The following CLCN6 variants were observed in gnomAD, a reference collection of about 807,000 sequenced individuals.
CLCN6 encodes Cl-/H+ antiporter 6.
In CLCN6, 70 loss-of-function variants were observed where a neutral mutation model predicts 109.8. That is an observed-to-expected ratio of 0.64 (90% CI 0.53 to 0.78). The LOEUF (loss-of-function observed/expected upper bound fraction) is 0.78, where lower values mean the gene tolerates loss of function less well. CLCN6 is among the 30% of genes least tolerant of loss of function. The pLI is 0.00. For synonymous variants in CLCN6, 444 were observed against 447.8 expected, an observed-to-expected ratio of 0.99 and a Z score of 0.11; for missense variants, 984 against 1,142.3, an observed-to-expected ratio of 0.86 and a Z score of 2.00.
chr1:11,834,028 A>G lies in CLCN6; in HGVS notation c.1524A>G (p.Lys508=), dbSNP rs1331532127. The change falls in exon 15 of 23, where the codon AAA becomes AAG. Residue 508 remains lysine (K), a splice_region_variant and synonymous_variant. Coordinates refer to ENST00000346436, the MANE Select transcript of CLCN6 (RefSeq NM_001286.5). The surrounding 1 kb of genome is among the most constrained non-coding windows in gnomAD (Gnocchi z 4.5). ...GACGTTTAGTTGCCAATGTCCTAAA[A>G]AGGTACTCTGTGTGTGTGCGTGTGT... The part of the protein sequence containing the change: ...AFGRLVANVL[K]SYIGLGHIYS... 1.2e-6 allele frequency: 2 copies of G among 1,614,022 alleles called. No individual in the cohort carries two copies. The highest frequency in any genetic ancestry group is 2.2e-5 in the South Asian group (2 of 91,072).
intron 18 of CLCN6, 51 bp from the exon 19 acceptor site, chr1:11,836,948 T>C: frequency 6.3e-7 from 1 of 1,596,258 alleles, no homozygotes. Flanking sequence ...CCATCAGTAC[T>C]GCTGTGTTCG....
chr1:11,826,115 A>G (rs1644808326), intron 8 of CLCN6, 41 bp from the exon 9 acceptor site: 3 of 1,458,234 alleles, frequency 2.1e-6, no homozygotes, highest in African/African-American at 1.4e-5. Context: ...ATTTGGTTAT[A>G]TGAGTAGGCT....
intron 6 of CLCN6, among the ~76,000 whole-genome samples, chr1:11,823,069 C>T (rs577884079): frequency 3.4e-4 from 52 of 152,296 alleles, no homozygotes; most frequent in African/African-American, 9.9e-4. Context: ...GGGTGCCATG[C>T]GCACTACCTG....
At chr1:11,813,683 G>A (rs1468620112) in intron 2 of CLCN6, among the ~76,000 whole-genome samples, 2 of 152,074 alleles carry the variant, frequency 1.3e-5, no homozygotes, top group African/African-American at 4.8e-5. Flanking sequence ...GAGCCATCAC[G>A]CCCAGCCGAT....
At chr1:11,835,278 G>A (rs944228262) in intron 17 of CLCN6, among the ~76,000 whole-genome samples, 9 of 152,032 alleles carry the variant, frequency 5.9e-5, no homozygotes, top group African/African-American at 2.2e-4. Flanking sequence ...TATTATTATT[G>A]TTTTTCTTTT....
chr1:11,821,414 G>T (rs938400622), intron 5 of CLCN6, among the ~76,000 whole-genome samples: 1 of 152,182 alleles, frequency 6.6e-6, no homozygotes, highest in African/African-American at 2.4e-5. Flanking sequence ...AAATTGAGCT[G>T]AGTGTGGTGG....
chr1:11,841,991 T>C lies in CLCN6; in HGVS notation c.*1768T>C, dbSNP rs1645029526. 1 of 152,242 alleles carries C rather than the reference T, an allele frequency of 6.6e-6. No individual in the cohort carries two copies. The highest frequency in any genetic ancestry group is 1.5e-5 in the Non-Finnish European group (1 of 68,040). The allele number at this position is 152,242 out of a possible 1,614,324, so 9.4% of individuals were successfully genotyped here. A position where few individuals can be genotyped will look rare whatever the true frequency, so the allele number is the denominator to read the frequency against. On this transcript the variant is annotated 3_prime_UTR_variant, in exon 23 of 23. Coordinates refer to ENST00000346436, the MANE Select transcript of CLCN6 (RefSeq NM_001286.5). ...AAGGCAATTCTTATTTAAATGTTAC[T>C]ATTTGGCCAGCTGCTGCTGTGTTTT... is the stretch of plus-strand genomic sequence containing the variant.
intron 6 of CLCN6, 124 bp from the exon 7 acceptor site, chr1:11,823,583 C>G: frequency 7.7e-7 from 1 of 1,301,916 alleles, no homozygotes; most frequent in Non-Finnish European, 1.1e-6. Flanking sequence ...GCAAGCCCTC[C>G]AGGTGACGCT....
chr1:11,828,357 G>A (rs937326132), intron 11 of CLCN6, 101 bp from the exon 12 acceptor site: 18 of 1,512,776 alleles, frequency 1.2e-5, no homozygotes, highest in African/African-American at 9.6e-5. Flanking sequence ...TCTGCCGTGC[G>A]GGAAAGCAGC....
chr1:11,828,419 T>C lies in CLCN6; in HGVS notation c.955-39T>C, dbSNP rs748466916. The C allele has an allele frequency of 4.3e-6, 7 of 1,611,120 alleles. No homozygotes were observed. In the East Asian group the frequency reaches 1.3e-4, roughly 31 times the overall value. On this transcript the variant is annotated intron_variant, in intron 11 of 22. Transcript: ENST00000346436. ...TGTCTCTTCCGGTTCTCATGGCTGC[T>C]ATGGTTTTTCTCTCCCTCTCCCTTT...
intron 18 of CLCN6, 67 bp from the exon 19 acceptor site, chr1:11,836,932 T>A (rs1644957331): frequency 3.8e-6 from 6 of 1,574,614 alleles, no homozygotes; most frequent in Non-Finnish European, 5.2e-6. Flanking sequence ...CCCAAATCCT[T>A]AAGCTCCATC....
chr1:11,806,253 A>T lies in CLCN6; in HGVS notation c.-10A>T. 2 of 1,456,874 alleles carry T rather than the reference A, an allele frequency of 1.4e-6. No individual in the cohort carries two copies. The highest frequency in any genetic ancestry group is 1.8e-6 in the Non-Finnish European group (2 of 1,107,120). 90.2% of individuals were successfully genotyped at this position (1,456,874 alleles called of 1,614,324 possible). A position where few individuals can be genotyped will look rare whatever the true frequency, so the allele number is the denominator to read the frequency against. On this transcript the variant is annotated 5_prime_UTR_variant, in exon 1 of 23. Transcript: ENST00000346436. ...GGTAGAGGGGTCCAGAGTGGCAGTA[A>T]AGGAGGAAGATGGCGGGGTGCAGGG... is the stretch of plus-strand genomic sequence containing the variant.
At chr1:11,835,624 G>A (rs1053462069) in intron 17 of CLCN6, among the ~76,000 whole-genome samples, 4 of 152,290 alleles carry the variant, frequency 2.6e-5, no homozygotes, top group Non-Finnish European at 4.4e-5. Flanking sequence ...TAGCAGTTCA[G>A]GGGTAGTATG....
chr1:11,807,102 A>T, intron 1 of CLCN6, 29 bp from the exon 2 acceptor site: 1 of 1,607,790 alleles, frequency 6.2e-7, no homozygotes, highest in Non-Finnish European at 8.5e-7. Flanking sequence ...CCACTAAAAA[A>T]GGCTCCCTCT....
At position 11,833,480 on chromosome 1, in the gene CLCN6, G is replaced by A. The variant is rs748779148; in HGVS notation, c.1249-35G>A. 6.2e-6 allele frequency: 10 copies of A among 1,609,798 alleles called. No homozygotes were observed. The Admixed American group carries it at 1.7e-4, about 27-fold the overall frequency. On this transcript the variant is annotated intron_variant, in intron 13 of 22. Coordinates refer to ENST00000346436, the MANE Select transcript of CLCN6 (RefSeq NM_001286.5). ...CCCACTTGAAGACTCAAAGTCAGGT[G>A]TCCTTGTACTGATTTTCTGATTCCT...
rs574341211 is a variant in CLCN6 at position 11,836,144 on chromosome 1, C to T, written c.1971C>T (p.Ile657=). 1.9e-6 allele frequency: 3 copies of T among 1,612,702 alleles called. No individual in the cohort carries two copies. The highest frequency in any genetic ancestry group is 2.2e-5 in the East Asian group (1 of 44,874). Residue 657 remains isoleucine, a synonymous_variant, in exon 18 of 23, where the codon ATC becomes ATT. Coordinates refer to ENST00000346436, the MANE Select transcript of CLCN6 (RefSeq NM_001286.5). ...GCAACCAGCTCATCAGCAACAACAT[C>T]AAGTTCAAGGTAAAGAAAACGGCAT... ...MKGNQLISNN[I]KFKKSSILTR...
chr1:11,809,312 C>T (rs1050073882), intron 2 of CLCN6, among the ~76,000 whole-genome samples: 3 of 152,194 alleles, frequency 2.0e-5, no homozygotes, highest in South Asian at 4.1e-4. Context: ...CTGAGACTGT[C>T]TCACAGCCTT....
At chr1:11,838,296 GCT>G in intron 20 of CLCN6, 37 bp from the exon 21 acceptor site, 1 of 1,589,068 alleles carries the variant, frequency 6.3e-7, no homozygotes, top group Non-Finnish European at 8.6e-7. Context: ...GCTGGCCACT[GCT>G]GCCTGAGCAC....
Position 11,833,579 on chromosome 1 carries a change from T to G in CLCN6, c.1313T>G (p.Met438Arg). The change falls in exon 14 of 23, where the codon ATG becomes AGG. Residue 438 changes from methionine (M) to arginine (R), a missense_variant. Coordinates refer to ENST00000346436, the MANE Select transcript of CLCN6 (RefSeq NM_001286.5). Reference protein sequence around the residue: ...FFCPNDTYNDMATLFFNPQES... With the variant: ...FFCPNDTYNDRATLFFNPQES... The stretch of plus-strand genomic sequence containing the variant: ...TGTCCCAATGATACCTACAATGACA[T>G]GGCCACACTCTTCTTCAACCCGCAG... 1 of 1,614,084 alleles carries G rather than the reference T, an allele frequency of 6.2e-7. No individual in the cohort carries two copies. Among genetic ancestry groups the G allele is most frequent in the Non-Finnish European group, 8.5e-7 (1 of 1,180,012 alleles).
Sources: gnomAD v4.1 joint callset for allele counts (sites outside exome capture counted in the v4.1 genomes callset) on GRCh38, gnomAD v4.1.1 for gene constraint, Gnocchi (gnomAD v3.1) non-coding constraint, MANE v1.5 for transcripts, NCBI Gene and HGNC (gene_info 2026-07-23, HGNC 2026-07-21) for gene names.